The following CLCN4 variants were observed in gnomAD, a reference collection of about 807,000 sequenced individuals.
CLCN4 encodes Cl-/H+ antiporter 4.
Under a neutral mutation model 41.7 loss-of-function variants are expected in CLCN4, and 1 was observed. That is an observed-to-expected ratio of 0.02 (90% CI 0.01 to 0.11). The LOEUF is 0.11. Ranked by LOEUF, CLCN4 falls within the 10% of genes least tolerant of loss-of-function variation. The probability of loss-of-function intolerance (pLI) is 1.00; values close to 1 mark genes in which losing one functional copy is unlikely to be tolerated. For synonymous variants in CLCN4, 277 were observed against 285.8 expected, an observed-to-expected ratio of 0.97 and a Z score of 0.31; for missense variants, 287 against 661.0, an observed-to-expected ratio of 0.43 and a Z score of 6.20.
intron 11 of CLCN4, among the ~76,000 whole-genome samples, chrX:10,216,385 G>A (rs761055075): frequency 1.4e-4 from 16 of 111,696 alleles, no homozygotes; most frequent in Non-Finnish European, 3.0e-4. Context: ...GGCTGTATGC[G>A]ACTCTTGCTC....
At chrX:10,209,289 C>T (rs866683391) in intron 9 of CLCN4, among the ~76,000 whole-genome samples, 83 of 91,212 alleles carry the variant, frequency 9.1e-4, no homozygotes, top group African/African-American at 3.6e-3. Context: ...CCCTCCCTCC[C>T]TCCCTTCCTT....
chrX:10,185,064 G>A lies in CLCN4; in HGVS notation c.32G>A (p.Gly11Glu). The A allele has an allele frequency of 8.3e-7, 1 of 1,209,886 alleles. No individual in the cohort carries two copies. The highest frequency in any genetic ancestry group is 1.1e-6 in the Non-Finnish European group (1 of 894,251). ...AATGCGGGAGCGATGAGTGGCTCTGGAAACCTGATGGATTTCCTCGATGAG... is the reference window on the plus strand; with the variant it reads ...AATGCGGGAGCGATGAGTGGCTCTGAAAACCTGATGGATTTCCTCGATGAG... MVNAGAMSGS[G>E]NLMDFLDEPF... Residue 11 changes from glycine to glutamate, a missense_variant, in exon 3 of 13, where the codon GGA becomes GAA. By Grantham distance (98) the Gly-to-Glu change is moderately conservative. Around this residue, in one of 6 missense-constraint regions of CLCN4, gnomAD observed 90 missense variants for 209.8 expected, o/e 0.43. Coordinates refer to ENST00000380833, the MANE Select transcript of CLCN4 (RefSeq NM_001830.4).
intron 12 of CLCN4, among the ~76,000 whole-genome samples, chrX:10,227,946 ATTATTT>A (rs1470700333): frequency 9.0e-6 from 1 of 110,537 alleles, no homozygotes; most frequent in African/African-American, 3.3e-5. Flanking sequence ...TTTTTTTTAA[ATTATTT>A]TTAATTTTTG....
intron 6 of CLCN4, among the ~76,000 whole-genome samples, chrX:10,205,428 G>A (rs12390733): frequency 1.1e-5 from 1 of 93,848 alleles, no homozygotes; most frequent in Non-Finnish European, 2.0e-5. Context: ...AGCCGAGACC[G>A]CACCACTGCA....
intron 10 of CLCN4, 87 bp downstream of exon 10, chrX:10,212,740 T>C (rs1235090467): frequency 6.8e-6 from 6 of 881,803 alleles, no homozygotes; most frequent in Non-Finnish European, 9.5e-6. Flanking sequence ...GACTTGAACA[T>C]TTTCTTTACT....
At chrX:10,218,614 A>G (rs1924787377) in intron 11 of CLCN4, among the ~76,000 whole-genome samples, 1 of 112,781 alleles carries the variant, frequency 8.9e-6, no homozygotes, top group Non-Finnish European at 1.9e-5. Flanking sequence ...CTGAGAGCAG[A>G]TGTTTCACCC....
rs1299498480 is a variant in CLCN4 at position 10,236,859 on chromosome X, CAT to C, written c.*3276_*3277del. The C allele has an allele frequency of 2.7e-5, 3 of 111,411 alleles. No homozygotes were observed. The highest frequency in any genetic ancestry group is 2.8e-4 in the East Asian group (1 of 3,549). The allele number at this position is 111,411 out of a possible 1,213,427, so 9.2% of individuals were successfully genotyped here. On this transcript the variant is annotated 3_prime_UTR_variant, in exon 13 of 13. Transcript: ENST00000380833. ...AGGAGCTCTTTCATGATATACATCACATGTTTCTTGCTCTCACTGAGGAAATG... is the reference window on the plus strand; with the variant it reads ...AGGAGCTCTTTCATGATATACATCACGTTTCTTGCTCTCACTGAGGAAATG...
chrX:10,229,510 C>T lies in CLCN4; in HGVS notation c.2193-3984C>T, dbSNP rs1236826219. ...GCTGCACCCATTAACTCATCATTTA[C>T]ATTAGGTATATCTCCTAATGCTATC... is the stretch of plus-strand genomic sequence containing the variant. On this transcript the variant is annotated intron_variant, in intron 12 of 12. Coordinates refer to ENST00000380833, the MANE Select transcript of CLCN4 (RefSeq NM_001830.4). Among the ~76,000 whole-genome samples the T allele has an allele frequency of 2.7e-5, 3 of 109,646 alleles. No homozygotes were observed. The East Asian group carries it at 8.6e-4, about 31-fold the overall frequency.
chrX:10,196,082 A>C (rs897827534), intron 5 of CLCN4, among the ~76,000 whole-genome samples: 1 of 111,997 alleles, frequency 8.9e-6, no homozygotes, highest in Non-Finnish European at 1.9e-5. Context: ...ACCATTTTAC[A>C]TTCCCACCAG....
In CLCN4 at chrX:10,213,898, C is replaced by T. The variant is rs772304833; in HGVS notation, c.1794C>T (p.Asp598=). ...TTACTCACCGCACACTGGCCACCGA[C>T]GTCATGCGGCCCCGGCGGGGAGAGC... ...DEFTHRTLAT[D]VMRPRRGEPP... Residue 598 remains aspartate, a synonymous_variant, in exon 11 of 13, where the codon GAC becomes GAT. Transcript: ENST00000380833. 19 of 1,210,364 alleles carry T rather than the reference C, an allele frequency of 1.6e-5. No individual in the cohort carries two copies. Among genetic ancestry groups the T allele is most frequent in the East Asian group, 5.9e-5 (2 of 33,771 alleles).
intron 2 of CLCN4, among the ~76,000 whole-genome samples, chrX:10,170,930 G>C (rs963955935): frequency 3.6e-5 from 4 of 112,462 alleles, no homozygotes; most frequent in African/African-American, 1.3e-4. Context: ...TGTCACCCAG[G>C]CTGGAGTGCA....
At chrX:10,211,916 C>T (rs1924563778) in intron 9 of CLCN4, among the ~76,000 whole-genome samples, 1 of 111,712 alleles carries the variant, frequency 9.0e-6, no homozygotes, top group Non-Finnish European at 1.9e-5. Flanking sequence ...AATTGCCTCC[C>T]TCGTCTCTCT....
intron 11 of CLCN4, among the ~76,000 whole-genome samples, chrX:10,216,662 A>C (rs1456416083): frequency 9.2e-6 from 1 of 108,151 alleles, no homozygotes; most frequent in Non-Finnish European, 1.9e-5. Context: ...CGTTACTTTC[A>C]ATGGCAAGAA....
intron 6 of CLCN4, among the ~76,000 whole-genome samples, chrX:10,204,121 A>G (rs1043658912): frequency 4.5e-5 from 5 of 111,973 alleles, no homozygotes; most frequent in African/African-American, 1.6e-4. Context: ...TATCTAAGAG[A>G]ATACCATTTT....
At chrX:10,181,081 C>T (rs750344289) in intron 2 of CLCN4, among the ~76,000 whole-genome samples, 30 of 110,094 alleles carry the variant, frequency 2.7e-4, no homozygotes, top group African/African-American at 6.9e-4. Context: ...TGATGGGCTG[C>T]GTGCAGTGGC....
rs565969920 is a variant in CLCN4 at position 10,213,808 on chromosome X, A to G, written c.1704A>G (p.Lys568=). 5 of 1,210,639 alleles carry G rather than the reference A, an allele frequency of 4.1e-6. No homozygotes were observed. In the East Asian group the frequency reaches 1.5e-4, roughly 36 times the overall value. ...TSKWVADAFG[K]EGIYEAHIHL... ...AGTGGGTAGCTGATGCATTTGGGAAAGAAGGCATCTACGAGGCCCACATCC... is the reference window on the plus strand; with the variant it reads ...AGTGGGTAGCTGATGCATTTGGGAAGGAAGGCATCTACGAGGCCCACATCC... The change falls in exon 11 of 13, where the codon AAA becomes AAG. Residue 568 remains lysine, a synonymous_variant. Coordinates refer to ENST00000380833, the MANE Select transcript of CLCN4 (RefSeq NM_001830.4).
rs921751357 is a variant in CLCN4 at position 10,235,739 on chromosome X, A to G, written c.*2155A>G. On this transcript the variant is annotated 3_prime_UTR_variant, in exon 13 of 13. Coordinates refer to ENST00000380833, the MANE Select transcript of CLCN4 (RefSeq NM_001830.4). ...TTTTAAGTCAGATCATGCTGACACA[A>G]TAAGAAAATTTGTTTGTGTAATTCA... is the stretch of plus-strand genomic sequence containing the variant. 2 of 112,758 alleles carry G rather than the reference A, an allele frequency of 1.8e-5. No individual in the cohort carries two copies. The highest frequency in any genetic ancestry group is 3.6e-4 in the South Asian group (1 of 2,761). The allele number at this position is 112,758 out of a possible 1,213,427, so 9.3% of individuals were successfully genotyped here.
chrX:10,182,984 G>A (rs1216832750), intron 2 of CLCN4, among the ~76,000 whole-genome samples: 2 of 112,343 alleles, frequency 1.8e-5, no homozygotes, highest in African/African-American at 3.2e-5. Context: ...GACTGTCCAA[G>A]TCTCTGCGAT....
intron 9 of CLCN4, among the ~76,000 whole-genome samples, chrX:10,209,360 C>T (rs868614251): frequency 2.9e-5 from 2 of 68,751 alleles, no homozygotes; most frequent in African/African-American, 7.4e-5. Flanking sequence ...CTTTCCTCTT[C>T]CCCCTTTCCC....
Sources: gnomAD v4.1 joint callset for allele counts (sites outside exome capture counted in the v4.1 genomes callset) on GRCh38, gnomAD v4.1.1 for gene constraint, gnomAD v4.1.1 regional missense constraint, MANE v1.5 for transcripts, NCBI Gene and HGNC (gene_info 2026-07-23, HGNC 2026-07-21) for gene names.